Variants in SIPA1L3 observed in about 807,000 individuals in gnomAD.
The protein encoded by SIPA1L3 is signal-induced proliferation-associated 1-like protein 3.
In SIPA1L3, 59 loss-of-function variants were observed where a neutral mutation model predicts 150.1. The ratio of observed to expected loss-of-function variants is 0.39; its 90% CI spans 0.32 to 0.49. The LOEUF (loss-of-function observed/expected upper bound fraction) is 0.49, where lower values mean the gene tolerates loss of function less well. SIPA1L3 is among the 20% of genes least tolerant of loss of function. The pLI is 0.86. For missense variants in SIPA1L3, 2,211 were observed against 2,489.5 expected (o/e 0.89, Z 2.38); for synonymous variants, 1,070 against 1,077.6 (o/e 0.99, Z 0.14).
chr19:37,924,007 T>C (rs1237613362), intron 1 of SIPA1L3, among the ~76,000 whole-genome samples: 2 of 152,142 alleles, frequency 1.3e-5, no homozygotes, highest in Non-Finnish European at 2.9e-5. Flanking sequence ...ACTCCTACCC[T>C]CTGGTGATCT....
chr19:38,069,553 C>T (rs752052085), intron 2 of SIPA1L3, among the ~76,000 whole-genome samples: 1 of 152,200 alleles, frequency 6.6e-6, no homozygotes, highest in African/African-American at 2.4e-5. Context: ...TAAGACTGCA[C>T]AGTAGAATCA....
intron 6 of SIPA1L3, among the ~76,000 whole-genome samples, chr19:38,101,869 T>G (rs545460098): frequency 6.6e-6 from 1 of 152,238 alleles, no homozygotes; most frequent in East Asian, 1.9e-4. Context: ...GGCACCTCGG[T>G]GCACCCAGTG....
intron 1 of SIPA1L3, among the ~76,000 whole-genome samples, chr19:37,960,911 C>T (rs569176865): frequency 6.6e-6 from 1 of 151,948 alleles, no homozygotes; most frequent in Admixed American, 6.6e-5. Context: ...CTCTGTCACC[C>T]AGGCTGGAGT....
chr19:38,202,013 G>T lies in SIPA1L3; in HGVS notation c.5120+16G>T. 1 of 1,598,872 alleles carries T rather than the reference G, an allele frequency of 6.3e-7. No homozygotes were observed. Among genetic ancestry groups the T allele is most frequent in the East Asian group, 2.2e-5 (1 of 44,700 alleles). On this transcript the variant is annotated intron_variant, in intron 20 of 21. Transcript: ENST00000222345. ...CTACCATGAGGTGAGGTTTCCCTGGGAACACCCGGGTTCATACCAGCGGCA... is the reference window on the plus strand; with the variant it reads ...CTACCATGAGGTGAGGTTTCCCTGGTAACACCCGGGTTCATACCAGCGGCA...
chr19:38,077,854 A>G (rs1258011457), intron 2 of SIPA1L3, among the ~76,000 whole-genome samples: 3 of 151,332 alleles, frequency 2.0e-5, no homozygotes, highest in African/African-American at 7.3e-5. Flanking sequence ...TATTTTTAGT[A>G]GAGACGGGGT....
intron 16 of SIPA1L3, among the ~76,000 whole-genome samples, chr19:38,188,338 G>C (rs929867718): frequency 2.2e-4 from 33 of 151,668 alleles, no homozygotes; most frequent in Admixed American, 2.2e-3. Context: ...GTGCCCGCCA[G>C]CATGCCCGGC....
At chr19:38,058,415 C>A (rs1386066865) in intron 2 of SIPA1L3, among the ~76,000 whole-genome samples, 1 of 152,130 alleles carries the variant, frequency 6.6e-6, no homozygotes, top group Non-Finnish European at 1.5e-5. Flanking sequence ...AGACAGGTGC[C>A]CCCCTGCATG....
chr19:38,151,756 A>G (rs1971827686), intron 12 of SIPA1L3, among the ~76,000 whole-genome samples: 1 of 152,106 alleles, frequency 6.6e-6, no homozygotes, highest in Non-Finnish European at 1.5e-5. Context: ...TGGGCCCAGG[A>G]GTTCAAGACC....
intron 1 of SIPA1L3, among the ~76,000 whole-genome samples, chr19:37,984,291 A>T (rs1471808856): frequency 6.6e-6 from 1 of 152,214 alleles, no homozygotes; most frequent in East Asian, 1.9e-4. Context: ...GATAAAATAC[A>T]TAGAAGTAAC....
At chr19:38,044,250 C>T (rs560808121) in intron 2 of SIPA1L3, among the ~76,000 whole-genome samples, 2 of 152,194 alleles carry the variant, frequency 1.3e-5, no homozygotes, top group South Asian at 2.1e-4. Context: ...GCTGGGTGCC[C>T]GTCAGACAGC....
In SIPA1L3 at chr19:38,082,528, C is replaced by G; in HGVS notation, c.963C>G (p.Ala321=). ...AGGCTGGGCGTTCCCCGGGGGAGGC[C>G]GACGAGGGCCGGAGCCCCCCGGAAG... ...EGEAGRSPGE[A]DEGRSPPEAS... is the part of the protein sequence containing the mutation. The change falls in exon 3 of 22, where the codon GCC becomes GCG. Residue 321 remains alanine (A), a synonymous_variant. Transcript: ENST00000222345. The G allele has an allele frequency of 6.3e-7, 1 of 1,597,660 alleles. No homozygotes were observed. The highest frequency in any genetic ancestry group is 1.3e-5 in the African/African-American group (1 of 74,786).
chr19:37,937,497 G>A (rs62112288), intron 1 of SIPA1L3, among the ~76,000 whole-genome samples: 8,206 of 151,626 alleles, frequency 0.054, 256 homozygotes, highest in East Asian at 0.11. Context: ...CCAGCACTTT[G>A]GGAGGCTGAG....
At chr19:38,088,638 C>A in intron 3 of SIPA1L3, 83 bp from the exon 4 acceptor site, 1 of 1,516,878 alleles carries the variant, frequency 6.6e-7, no homozygotes, top group South Asian at 1.2e-5. Flanking sequence ...CCTGCCTGGT[C>A]GCCCTGTCTG....
In SIPA1L3 at chr19:38,029,167, C is replaced by T. The variant is rs1384105038; in HGVS notation, c.-311+11C>T. 1 of 152,096 alleles carries T rather than the reference C, an allele frequency of 6.6e-6. No homozygotes were observed. Among genetic ancestry groups the T allele is most frequent in the Non-Finnish European group, 1.5e-5 (1 of 68,020 alleles). 9.4% of individuals were successfully genotyped at this position (152,096 alleles called of 1,614,324 possible). On this transcript the variant is annotated intron_variant, in intron 2 of 21. Transcript: ENST00000222345. Reference sequence around the variant, plus strand: ...TAGAAGGCACTAAGGGTGAGTAAGGCGTGGCTGCTGGTTTGCTTAGAATTT... The same window carrying T: ...TAGAAGGCACTAAGGGTGAGTAAGGTGTGGCTGCTGGTTTGCTTAGAATTT...
intron 16 of SIPA1L3, among the ~76,000 whole-genome samples, chr19:38,186,796 G>T (rs1273517458): frequency 3.4e-4 from 51 of 149,672 alleles, no homozygotes; most frequent in African/African-American, 1.2e-3. Flanking sequence ...TTCGAGACCA[G>T]CCTGACCAAC....
chr19:38,174,086 G>A (rs1415502324), intron 15 of SIPA1L3, among the ~76,000 whole-genome samples: 7 of 152,130 alleles, frequency 4.6e-5, no homozygotes, highest in Admixed American at 2.6e-4. Context: ...TGCTGAGGCT[G>A]GGGAAGGATG....
At chr19:37,968,100 T>C (rs2046921658) in intron 1 of SIPA1L3, among the ~76,000 whole-genome samples, 1 of 151,832 alleles carries the variant, frequency 6.6e-6, no homozygotes, top group East Asian at 1.9e-4. Flanking sequence ...TTTGAGACAG[T>C]GTCTAGCTTT....
At chr19:38,052,973 C>T (rs1969231941) in intron 2 of SIPA1L3, among the ~76,000 whole-genome samples, 1 of 152,228 alleles carries the variant, frequency 6.6e-6, no homozygotes, top group Non-Finnish European at 1.5e-5. Context: ...AGGGAGCCCC[C>T]TGCATGAGGT....
At position 38,081,929 on chromosome 19, in the gene SIPA1L3, A is replaced by T; in HGVS notation, c.364A>T (p.Asn122Tyr). 6.2e-7 allele frequency: 1 copy of T among 1,614,142 alleles called. No individual in the cohort carries two copies. Among genetic ancestry groups the T allele is most frequent in the Non-Finnish European group, 8.5e-7 (1 of 1,179,992 alleles). The change falls in exon 3 of 22, where the codon AAC (asparagine) becomes TAC (tyrosine). Residue 122 changes from asparagine to tyrosine, a missense_variant. This residue lies in a region of SIPA1L3 where 587 missense variants were observed against 534.5 expected (regional missense o/e 1.10). Transcript: ENST00000222345. ...KMAHSMRSIQ[N>Y]GQPPTSTPAS... Reference sequence around the variant, plus strand: ...GGCCCATTCCATGAGGAGCATACAGAACGGACAGCCCCCCACCAGCACCCC... The same window carrying T: ...GGCCCATTCCATGAGGAGCATACAGTACGGACAGCCCCCCACCAGCACCCC...
Sources: allele counts gnomAD v4.1 joint callset (sites outside exome capture counted in the v4.1 genomes callset), GRCh38; gene constraint gnomAD v4.1.1; regional missense constraint gnomAD v4.1.1; transcripts MANE v1.5; gene names NCBI Gene and HGNC (gene_info 2026-07-23, HGNC 2026-07-21).